SMYD3: variants seen among roughly 807,000 people sequenced by gnomAD.
SMYD3 encodes the protein SET and MYND domain containing 3.
A neutral mutation model predicts 57.7 loss-of-function variants in SMYD3; 36 were observed. The observed-to-expected ratio is 0.62, with a 90% confidence interval of 0.48 to 0.82. The LOEUF is 0.82. SMYD3 is among the 40% of genes least tolerant of loss of function. The pLI, the probability that SMYD3 is intolerant of heterozygous loss-of-function variation, is 0.00. For synonymous variants in SMYD3, 211 were observed against 195.0 expected (o/e 1.08, Z -0.68); for missense variants, 515 against 538.8 (o/e 0.96, Z 0.44).
Position 245,953,333 on chromosome 1 carries a change from A to G in SMYD3, c.532-23396T>C, listed in dbSNP as rs914763350. ...TAGACCAAAATCTTTCAATTAACTA[A>G]AAACATTTTTTAGGATGTAACTCTG... On this transcript the variant is annotated intron_variant, in intron 5 of 11. Coordinates refer to ENST00000490107, the MANE Select transcript of SMYD3 (RefSeq NM_001167740.2). The G allele has an allele frequency of 6.0e-6, 6 of 993,106 alleles. No homozygotes were observed. The African/African-American group carries it at 1.1e-4, about 17-fold the overall frequency. 61.5% of individuals were successfully genotyped at this position (993,106 alleles called of 1,614,324 possible).
rs748636237 is a variant in SMYD3 at position 245,951,339 on chromosome 1, GC to G, written c.532-21403del. 2.7e-3 allele frequency among the ~76,000 whole-genome samples: 308 copies of G among 113,586 alleles called. 5 individuals carry two copies. The highest frequency in any genetic ancestry group is 4.4e-3 in the Non-Finnish European group (257 of 58,452). 74.5% of individuals were successfully genotyped at this position (113,586 alleles called of 152,430 possible). A position where few individuals can be genotyped will look rare whatever the true frequency, so the allele number is the denominator to read the frequency against. ...TCGTGGCTCACTTTGGGAGGCTGAG[GC>G]GGGTGGATCACGAGGTCAGGAGATC... On this transcript the variant is annotated intron_variant, in intron 5 of 11. Transcript: ENST00000490107.
chr1:246,057,683 G>A (rs1190638767), intron 5 of SMYD3, among the ~76,000 whole-genome samples: 1 of 152,202 alleles, frequency 6.6e-6, no homozygotes, highest in African/African-American at 2.4e-5. Context: ...CACTTGGGAA[G>A]ACAGTTTGGC....
chr1:246,255,975 T>TAGACAGACAGACAGAC (rs1283409026), intron 5 of SMYD3, among the ~76,000 whole-genome samples: 5 of 135,812 alleles, frequency 3.7e-5, no homozygotes, highest in African/African-American at 1.4e-4. Flanking sequence ...GATAGATAGA[T>TAGACAGACAGACAGAC]AGATAGATAG....
intron 5 of SMYD3, among the ~76,000 whole-genome samples, chr1:246,295,382 T>A (rs1208424656): frequency 6.6e-6 from 1 of 152,242 alleles, no homozygotes; most frequent in African/African-American, 2.4e-5. Flanking sequence ...ACAAAGTGTT[T>A]GTTTTCTTAA....
At chr1:245,827,089 C>G (rs151079210) in intron 10 of SMYD3, among the ~76,000 whole-genome samples, 3 of 152,164 alleles carry the variant, frequency 2.0e-5, no homozygotes, top group Admixed American at 6.5e-5. Flanking sequence ...ACTGCGCTAA[C>G]GGAGCCTCTC....
chr1:246,504,336 C>T (rs1172076216), intron 1 of SMYD3, among the ~76,000 whole-genome samples: 4 of 152,148 alleles, frequency 2.6e-5, no homozygotes, highest in Non-Finnish European at 5.9e-5. Context: ...ATACAGCCTG[C>T]TACACACCTA....
intron 5 of SMYD3, among the ~76,000 whole-genome samples, chr1:246,062,829 G>GA (rs1205819805): frequency 6.6e-6 from 1 of 151,984 alleles, no homozygotes; most frequent in Non-Finnish European, 1.5e-5. Context: ...AAGGTATGTT[G>GA]AAAAAAATTA....
At chr1:245,943,646 T>C (rs2057334576) in intron 5 of SMYD3, among the ~76,000 whole-genome samples, 1 of 152,164 alleles carries the variant, frequency 6.6e-6, no homozygotes. Context: ...GCCAGCGTCA[T>C]CCTGACACCA....
chr1:246,148,754 C>A (rs59596220), intron 5 of SMYD3, among the ~76,000 whole-genome samples: 2,215 of 152,294 alleles, frequency 0.015, 51 homozygotes, highest in African/African-American at 0.049. Context: ...ACTTCTGGAA[C>A]GAAAAGCACA....
At chr1:246,008,676 T>A (rs74905578) in intron 5 of SMYD3, among the ~76,000 whole-genome samples, 1 of 151,996 alleles carries the variant, frequency 6.6e-6, no homozygotes, top group Non-Finnish European at 1.5e-5. Context: ...TAATGAGGAG[T>A]CTCAACACCG....
Position 246,225,321 on chromosome 1 carries a change from C to CAAAAAAAAAAAAAAAAAAAAAAAAAAA in SMYD3, c.531+101853_531+101879dup, listed in dbSNP as rs60915002. ...GTTATGTGGAAGACTGCTGAAAAGTCAAAAAAAAAAAAAAAAAAAAAAAAA... is the reference window on the plus strand; with the variant it reads ...GTTATGTGGAAGACTGCTGAAAAGTCAAAAAAAAAAAAAAAAAAAAAAAAAAAAAAAAAAAAAAAAAAAAAAAAAAAA... On this transcript the variant is annotated intron_variant, in intron 5 of 11. Coordinates refer to ENST00000490107, the MANE Select transcript of SMYD3 (RefSeq NM_001167740.2). Among the ~76,000 whole-genome samples, 2 of 76,306 alleles carry CAAAAAAAAAAAAAAAAAAAAAAAAAAA rather than the reference C, an allele frequency of 2.6e-5. 1 individual carries two copies. The highest frequency in any genetic ancestry group is 9.4e-5 in the African/African-American group (2 of 21,200). 50.1% of individuals were successfully genotyped at this position (76,306 alleles called of 152,430 possible). A position where few individuals can be genotyped will look rare whatever the true frequency, so the allele number is the denominator to read the frequency against.
intron 8 of SMYD3, among the ~76,000 whole-genome samples, chr1:245,867,659 C>T (rs1323714701): frequency 7.6e-6 from 1 of 131,368 alleles, no homozygotes; most frequent in African/African-American, 2.8e-5. Flanking sequence ...CGTGCGTGTG[C>T]GTGCGCGCGC....
intron 8 of SMYD3, among the ~76,000 whole-genome samples, chr1:245,864,266 C>A (rs1265790120): frequency 6.6e-6 from 1 of 152,150 alleles, no homozygotes; most frequent in Non-Finnish European, 1.5e-5. Flanking sequence ...TAGGTATCTA[C>A]CCAAGATAAA....
intron 10 of SMYD3, among the ~76,000 whole-genome samples, chr1:245,779,423 A>G (rs2046745115): frequency 2.0e-5 from 3 of 152,296 alleles, no homozygotes; most frequent in East Asian, 3.9e-4. Flanking sequence ...AATGTTTTCC[A>G]ATGAGCACCA....
chr1:246,098,495 TAAAC>T (rs2060953544), intron 5 of SMYD3, among the ~76,000 whole-genome samples: 1 of 152,200 alleles, frequency 6.6e-6, no homozygotes, highest in Admixed American at 6.5e-5. Context: ...TTAAAGCCAA[TAAAC>T]AAGGAGCTAT....
intron 1 of SMYD3, among the ~76,000 whole-genome samples, chr1:246,375,049 C>G (rs567613151): frequency 1.3e-5 from 2 of 151,954 alleles, no homozygotes; most frequent in African/African-American, 4.8e-5. Flanking sequence ...GCCGAGATCG[C>G]GCTGTTGCAC....
chr1:245,797,261 A>C (rs1420523889), intron 10 of SMYD3, among the ~76,000 whole-genome samples: 1 of 152,146 alleles, frequency 6.6e-6, no homozygotes, highest in African/African-American at 2.4e-5. Context: ...ACAATAGCAA[A>C]GACTTGGAAC....
intron 2 of SMYD3, among the ~76,000 whole-genome samples, chr1:246,348,126 T>C (rs1437985056): frequency 7.9e-5 from 11 of 139,750 alleles, no homozygotes; most frequent in African/African-American, 2.6e-4. Flanking sequence ...AATAAAATCA[T>C]GCCCTTGGGC....
chr1:246,190,130 A>C (rs534598363), intron 5 of SMYD3, among the ~76,000 whole-genome samples: 7 of 152,332 alleles, frequency 4.6e-5, no homozygotes, highest in African/African-American at 1.7e-4. Flanking sequence ...TTTAAGACCC[A>C]AGTTTATCAC....
Sources: allele counts gnomAD v4.1 joint callset (sites outside exome capture counted in the v4.1 genomes callset), GRCh38; gene constraint gnomAD v4.1.1; transcripts MANE v1.5; gene names NCBI Gene and HGNC (gene_info 2026-07-23, HGNC 2026-07-21).